The following ADRA1D variants were observed in gnomAD, a reference collection of about 807,000 sequenced individuals.
The protein encoded by ADRA1D is alpha-1D adrenergic receptor.
Under a neutral mutation model 18.6 loss-of-function variants are expected in ADRA1D, and 22 were observed. That is an observed-to-expected ratio of 1.19 (90% CI 0.85 to 1.69). ADRA1D has a LOEUF of 1.69. Among genes scored for constraint, ADRA1D ranks in the 40% most tolerant of loss-of-function variants. The probability of loss-of-function intolerance (pLI) is 0.00; values close to 1 mark genes in which losing one functional copy is unlikely to be tolerated. For missense variants in ADRA1D, 840 were observed against 840.7 expected (o/e 1.00, Z 0.01); for synonymous variants, 376 against 388.2 (o/e 0.97, Z 0.37).
chr20:4,245,984 C>T (rs941645590), intron 1 of ADRA1D, among the ~76,000 whole-genome samples: 3 of 152,184 alleles, frequency 2.0e-5, no homozygotes, highest in African/African-American at 7.2e-5. Context: ...AGCTACAGTT[C>T]CACGATGGCC....
rs1177786186 is a variant in ADRA1D, at chr20:4,247,883, G to A, written c.1075C>T (p.Leu359Phe). Residue 359 changes from leucine to phenylalanine, a missense_variant, in exon 1 of 2, where the codon CTC (leucine) becomes TTC (phenylalanine). Leu to Phe is a conservative substitution (Grantham distance 22). Transcript: ENST00000379453. ...TLAIVVGVFV[L>F]CWFPFFFVLP... is the part of the protein sequence containing the mutation. ...ACAAAGAAGAAAGGGAACCAGCAGA[G>A]CACGAAGACACCCACGACGATGGCC... 2.1e-5 allele frequency: 33 copies of A among 1,585,308 alleles called. No homozygotes were observed. Among genetic ancestry groups the A allele is most frequent in the Non-Finnish European group, 2.7e-5 (32 of 1,168,574 alleles).
intron 1 of ADRA1D, among the ~76,000 whole-genome samples, chr20:4,237,746 C>T (rs1981127437): frequency 6.6e-6 from 1 of 151,222 alleles, no homozygotes; most frequent in Non-Finnish European, 1.5e-5. Context: ...GCACTGCAAC[C>T]TCTGCCTCCC....
intron 1 of ADRA1D, among the ~76,000 whole-genome samples, chr20:4,231,038 T>TTTCTTTCTTTC (rs1980945003): frequency 2.8e-5 from 3 of 108,522 alleles, no homozygotes; most frequent in Admixed American, 2.0e-4. Flanking sequence ...CTTTCTTTCT[T>TTTCTTTCTTTC]TTTCTTTCTT....
rs1980686533 is a variant in ADRA1D at position 4,222,072 on chromosome 20, G to A, written c.1170C>T (p.Leu390=). Residue 390 remains leucine (L), a synonymous_variant, in exon 2 of 2, where the codon CTC becomes CTT. Transcript: ENST00000379453. The surrounding 1 kb of genome is among the most constrained non-coding windows in gnomAD (Gnocchi z 4.3). ...GGTTCACGCAGCTGTTGAAGTAGCC[G>A]AGCCAGAAGATGACCTTGAAGACGC... ...SEGVFKVIFW[L]GYFNSCVNPL... 1.9e-6 allele frequency: 3 copies of A among 1,613,058 alleles called. No homozygotes were observed. The highest frequency in any genetic ancestry group is 2.2e-5 in the East Asian group (1 of 44,712).
In ADRA1D at chr20:4,245,107, C is replaced by T. The variant is rs61759839; in HGVS notation, c.1111+2740G>A. Among the ~76,000 whole-genome samples, 679 of 152,302 alleles carry T rather than the reference C, an allele frequency of 4.5e-3. 2 individuals carry two copies. The highest frequency in any genetic ancestry group is 7.8e-3 in the Non-Finnish European group (528 of 68,032). On this transcript the variant is annotated intron_variant, in intron 1 of 1. Coordinates refer to ENST00000379453, the MANE Select transcript of ADRA1D (RefSeq NM_000678.4). ...GATGACTTCCTGGAAGAGGGAGTCA[C>T]GTGACGTGGACCTCAAAGAAAGCAG...
rs763837656 is a variant in ADRA1D, at chr20:4,221,689, G to A, written c.1553C>T (p.Ser518Leu). The A allele has an allele frequency of 1.2e-6, 2 of 1,611,992 alleles. No homozygotes were observed. The highest frequency in any genetic ancestry group is 1.3e-5 in the African/African-American group (1 of 75,044). The change falls in exon 2 of 2, where the codon TCG becomes TTG. Residue 518 changes from serine (S) to leucine (L), a missense_variant. Ser to Leu is a moderately radical substitution (Grantham distance 145). Coordinates refer to ENST00000379453, the MANE Select transcript of ADRA1D (RefSeq NM_000678.4). The stretch of plus-strand genomic sequence containing the variant: ...CGCGCCCCCGGCGCGGATCTTGTGC[G>A]ACAGGCTGGAGACTTTGGCGCGCAG... ...TQLRAKVSSLSHKIRAGGAQR... is the reference protein window; with the variant it reads ...TQLRAKVSSLLHKIRAGGAQR...
rs1829052667 is a variant in ADRA1D, at chr20:4,249,097, C to A, written c.-140G>T. The A allele has an allele frequency of 2.9e-6, 2 of 679,924 alleles. No homozygotes were observed. Among genetic ancestry groups the A allele is most frequent in the Non-Finnish European group, 3.8e-6 (2 of 532,880 alleles). The allele number at this position is 679,924 out of a possible 1,614,324, so 42.1% of individuals were successfully genotyped here. A position where few individuals can be genotyped will look rare whatever the true frequency, so the allele number is the denominator to read the frequency against. ...CGGGGTCCTGCCCAAGTTCCTGTGA[C>A]GCGGAGCGCGGCTGTCCGAGAGCGG... On this transcript the variant is annotated 5_prime_UTR_variant, in exon 1 of 2. Coordinates refer to ENST00000379453, the MANE Select transcript of ADRA1D (RefSeq NM_000678.4).
At position 4,222,380 on chromosome 20, in the gene ADRA1D, G is replaced by A. The variant is rs1600844015; in HGVS notation, c.1112-250C>T. 4 of 415,834 alleles carry A rather than the reference G, an allele frequency of 9.6e-6. No individual in the cohort carries two copies. In the East Asian group the frequency reaches 1.7e-4, roughly 18 times the overall value. 25.8% of individuals were successfully genotyped at this position (415,834 alleles called of 1,614,324 possible). ...TAGGCAACAAACCAGAGTAGAGTTAGACAAAACCACGTGCAATTGCTGTTT... is the reference window on the plus strand; with the variant it reads ...TAGGCAACAAACCAGAGTAGAGTTAAACAAAACCACGTGCAATTGCTGTTT... On this transcript the variant is annotated intron_variant, in intron 1 of 1. Transcript: ENST00000379453. This position sits in a 1 kb window ranked among gnomAD's most constrained non-coding sequence, Gnocchi z 4.3.
At chr20:4,227,722 CCTTCCT>C (rs1980848274) in intron 1 of ADRA1D, among the ~76,000 whole-genome samples, 1 of 106,560 alleles carries the variant, frequency 9.4e-6, no homozygotes, top group African/African-American at 3.6e-5. Context: ...TTCCTTCCTT[CCTTCCT>C]TCCTTCCTTC....
chr20:4,244,736 C>T (rs1435320430), intron 1 of ADRA1D, among the ~76,000 whole-genome samples: 3 of 152,242 alleles, frequency 2.0e-5, no homozygotes, highest in Admixed American at 2.0e-4. Flanking sequence ...AGCCTCCAGA[C>T]CCCTCCTGCT....
Position 4,221,419 on chromosome 20 carries a change from T to G in ADRA1D, c.*104A>C. 2.3e-6 allele frequency: 3 copies of G among 1,287,600 alleles called. No individual in the cohort carries two copies. The highest frequency in any genetic ancestry group is 3.2e-6 in the Non-Finnish European group (3 of 927,136). 79.8% of individuals were successfully genotyped at this position (1,287,600 alleles called of 1,614,324 possible). ...TCACAGAGCAGCTGCCCTGATCAGT[T>G]TCCGGGTCTCCGATTTGCACGGGGG... On this transcript the variant is annotated 3_prime_UTR_variant, in exon 2 of 2. Coordinates refer to ENST00000379453, the MANE Select transcript of ADRA1D (RefSeq NM_000678.4).
intron 1 of ADRA1D, among the ~76,000 whole-genome samples, chr20:4,225,428 CTTTT>C (rs11474446): frequency 8.4e-6 from 1 of 119,534 alleles, no homozygotes; most frequent in Non-Finnish European, 1.7e-5. Flanking sequence ...TTTTTTCTTT[CTTTT>C]TTTTTTTTTT....
chr20:4,227,430 C>T (rs1211800617), intron 1 of ADRA1D, among the ~76,000 whole-genome samples: 1 of 152,114 alleles, frequency 6.6e-6, no homozygotes, highest in African/African-American at 2.4e-5. Flanking sequence ...AGGTAACGAT[C>T]AGTTTCCTGT....
chr20:4,240,788 T>C (rs538040004), intron 1 of ADRA1D, among the ~76,000 whole-genome samples: 17 of 152,174 alleles, frequency 1.1e-4, no homozygotes, highest in African/African-American at 2.6e-4. Context: ...AGAGACTCCA[T>C]CTCAAAAAAC....
At chr20:4,226,685 A>G (rs1028228574) in intron 1 of ADRA1D, among the ~76,000 whole-genome samples, 5 of 152,222 alleles carry the variant, frequency 3.3e-5, no homozygotes, top group African/African-American at 1.2e-4. Flanking sequence ...CAAGTGCTCT[A>G]ACAGAATTTG....
chr20:4,242,512 G>T (rs1419272400), intron 1 of ADRA1D, among the ~76,000 whole-genome samples: 1 of 152,234 alleles, frequency 6.6e-6, no homozygotes, highest in Non-Finnish European at 1.5e-5. Flanking sequence ...GAGTGTTTCA[G>T]AAGCACATGG....
At chr20:4,231,026 C>CTTTA (rs1555821005) in intron 1 of ADRA1D, among the ~76,000 whole-genome samples, 1 of 122,900 alleles carries the variant, frequency 8.1e-6, no homozygotes, top group Admixed American at 8.4e-5. Flanking sequence ...TTTTCTCTTT[C>CTTTA]TCTTTCTTTC....
intron 1 of ADRA1D, among the ~76,000 whole-genome samples, chr20:4,244,620 G>A (rs1981292000): frequency 6.6e-6 from 1 of 152,138 alleles, no homozygotes; most frequent in Non-Finnish European, 1.5e-5. Context: ...CCCCCCAAAA[G>A]TTGCTGCTCA....
At chr20:4,243,760 G>A (rs940709247) in intron 1 of ADRA1D, among the ~76,000 whole-genome samples, 6 of 152,280 alleles carry the variant, frequency 3.9e-5, no homozygotes, top group Admixed American at 2.6e-4. Context: ...CAGAGGAGCT[G>A]GTGCTGCCCT....
Sources: gnomAD v4.1 joint callset for allele counts (sites outside exome capture counted in the v4.1 genomes callset) on GRCh38, gnomAD v4.1.1 for gene constraint, Gnocchi (gnomAD v3.1) non-coding constraint, MANE v1.5 for transcripts, NCBI Gene and HGNC (gene_info 2026-07-23, HGNC 2026-07-21) for gene names.